The following ANTXR1 variants were observed in gnomAD, a reference collection of about 807,000 sequenced individuals.
The protein encoded by ANTXR1 is ANTXR cell adhesion molecule 1.
Under a neutral mutation model 78.1 loss-of-function variants are expected in ANTXR1, and 19 were observed. That is an observed-to-expected ratio of 0.24 (90% CI 0.17 to 0.36). The LOEUF is 0.36. ANTXR1 is among the 10% of genes least tolerant of loss of function. ANTXR1 has a pLI of 1.00. For missense variants in ANTXR1, 518 were observed against 718.6 expected, an observed-to-expected ratio of 0.72 and a Z score of 3.19; for synonymous variants, 273 against 260.5, an observed-to-expected ratio of 1.05 and a Z score of -0.46.
At chr2:69,075,058 G>GA (rs5831960) in intron 6 of ANTXR1, among the ~76,000 whole-genome samples, 112,070 of 152,098 alleles carry the variant, frequency 0.74, 42,478 homozygotes, top group African/African-American at 0.93. Context: ...CTGTAGGAAT[G>GA]AAAGGGCTTT....
chr2:69,152,394 T>C, intron 13 of ANTXR1, 130 bp downstream of exon 13: 1 of 928,160 alleles, frequency 1.1e-6, no homozygotes, highest in Non-Finnish European at 1.7e-6. Context: ...ATACAATTTA[T>C]ACAAAATTGA....
At chr2:69,237,014 G>A (rs1205360596) in intron 17 of ANTXR1, among the ~76,000 whole-genome samples, 6 of 152,120 alleles carry the variant, frequency 3.9e-5, no homozygotes, top group Admixed American at 6.5e-5. Flanking sequence ...ACAAAGAACT[G>A]TGTAATCAGA....
rs375546870 is a variant in ANTXR1, at chr2:69,230,653, C to A, written c.1435-14572C>A. ...TTTTCAACCTTGAGCTACCCACTGG[C>A]AGCGTGAGAGAAGGTGATAGGATGT... is the stretch of plus-strand genomic sequence containing the variant. On this transcript the variant is annotated intron_variant, in intron 17 of 17. Transcript: ENST00000303714. Among the ~76,000 whole-genome samples, 33 of 152,268 alleles carry A rather than the reference C, an allele frequency of 2.2e-4. No homozygotes were observed. In the East Asian group the frequency reaches 6.0e-3, roughly 28 times the overall value.
At chr2:69,167,242 T>C (rs542766129) in intron 13 of ANTXR1, among the ~76,000 whole-genome samples, 7 of 152,288 alleles carry the variant, frequency 4.6e-5, no homozygotes, top group Non-Finnish European at 1.0e-4. Context: ...CTATAAGCCA[T>C]GGGAAGCCAT....
At chr2:69,131,582 G>A (rs1433116157) in intron 12 of ANTXR1, among the ~76,000 whole-genome samples, 1 of 152,194 alleles carries the variant, frequency 6.6e-6, no homozygotes, top group Non-Finnish European at 1.5e-5. Flanking sequence ...TGTTTCTTGA[G>A]GCAAAACAGA....
At chr2:69,187,354 G>A (rs1325057549) in intron 16 of ANTXR1, among the ~76,000 whole-genome samples, 2 of 151,918 alleles carry the variant, frequency 1.3e-5, no homozygotes, top group Non-Finnish European at 2.9e-5. Flanking sequence ...TCATTAAATT[G>A]GAGCTGACCA....
intron 5 of ANTXR1, among the ~76,000 whole-genome samples, chr2:69,072,226 A>ATATATAT (rs879863584): frequency 4.5e-4 from 68 of 152,360 alleles, no homozygotes; most frequent in Middle Eastern, 3.4e-3. Context: ...TCCTATATTT[A>ATATATAT]AATGAAAAAA....
intron 17 of ANTXR1, among the ~76,000 whole-genome samples, chr2:69,234,821 A>C (rs991618283): frequency 6.6e-6 from 1 of 152,062 alleles, no homozygotes; most frequent in African/African-American, 2.4e-5. Context: ...ATGAGCTAGG[A>C]TCAATTATTT....
Position 69,217,015 on chromosome 2 carries a change from T to G in ANTXR1, c.1434+23600T>G, listed in dbSNP as rs143222770. 3.4e-3 allele frequency among the ~76,000 whole-genome samples: 519 copies of G among 152,314 alleles called. 6 individuals carry two copies. The highest frequency in any genetic ancestry group is 0.012 in the African/African-American group (504 of 41,558). On this transcript the variant is annotated intron_variant, in intron 17 of 17. Coordinates refer to ENST00000303714, the MANE Select transcript of ANTXR1 (RefSeq NM_032208.3). ...TGCTTTGAGACACTGTGTGAACTGA[T>G]CTGCTGAAATGCAGATAAACTACAT...
intron 1 of ANTXR1, among the ~76,000 whole-genome samples, chr2:69,019,412 G>T (rs1671116310): frequency 6.6e-6 from 1 of 151,984 alleles, no homozygotes; most frequent in African/African-American, 2.4e-5. Flanking sequence ...ATTTTGTTGT[G>T]AATTATTTTA....
chr2:69,079,339 G>A (rs1207334622), intron 8 of ANTXR1, among the ~76,000 whole-genome samples: 2 of 152,132 alleles, frequency 1.3e-5, no homozygotes, highest in Non-Finnish European at 2.9e-5. Flanking sequence ...ACTGGGGGCC[G>A]ATCATGGATC....
intron 17 of ANTXR1, among the ~76,000 whole-genome samples, chr2:69,218,722 A>G (rs4528792): frequency 0.047 from 7,123 of 152,266 alleles, 423 homozygotes; most frequent in African/African-American, 0.13. Flanking sequence ...AAACCATGAC[A>G]GCCAGGAACA....
At chr2:69,152,019 C>G in intron 12 of ANTXR1, 150 bp from the exon 13 acceptor site, 1 of 779,174 alleles carries the variant, frequency 1.3e-6, no homozygotes, top group Non-Finnish European at 2.2e-6. Flanking sequence ...GCCATGAGCC[C>G]CAGAATGATG....
chr2:69,182,803 G>C (rs1033301835), intron 16 of ANTXR1, 143 bp downstream of exon 16: 3 of 1,057,280 alleles, frequency 2.8e-6, no homozygotes, highest in Admixed American at 4.1e-5. Context: ...TTATGGACTT[G>C]AAAGTACTAG....
chr2:69,070,870 T>C (rs112933363), intron 4 of ANTXR1, 142 bp downstream of exon 4: 2 of 756,828 alleles, frequency 2.6e-6, no homozygotes, highest in Non-Finnish European at 4.6e-6. Flanking sequence ...TCCCATAAGC[T>C]TGTACACTGA....
chr2:69,102,720 TA>T, intron 9 of ANTXR1, 121 bp from the exon 10 acceptor site: 1 of 1,098,256 alleles, frequency 9.1e-7, no homozygotes, highest in Non-Finnish European at 1.4e-6. Flanking sequence ...GTGTTCAACC[TA>T]AATTAATTTT....
chr2:69,021,501 G>A (rs527577555), intron 1 of ANTXR1, among the ~76,000 whole-genome samples: 2 of 152,292 alleles, frequency 1.3e-5, no homozygotes, highest in East Asian at 3.9e-4. Context: ...AGCCAGGCTG[G>A]TGGAGATTCC....
intron 3 of ANTXR1, among the ~76,000 whole-genome samples, chr2:69,054,941 G>A (rs1670026264): frequency 6.6e-6 from 1 of 152,226 alleles, no homozygotes; most frequent in Admixed American, 6.5e-5. Flanking sequence ...TGTTGATTGG[G>A]AGATATTATG....
chr2:69,040,359 T>C (rs1371391778), intron 2 of ANTXR1, among the ~76,000 whole-genome samples: 1 of 152,234 alleles, frequency 6.6e-6, no homozygotes, highest in Non-Finnish European at 1.5e-5. Flanking sequence ...TTTAGCATTC[T>C]CCCTTCTCTG....
Sources: gnomAD v4.1 joint callset for allele counts (sites outside exome capture counted in the v4.1 genomes callset) on GRCh38, gnomAD v4.1.1 for gene constraint, MANE v1.5 for transcripts, NCBI Gene and HGNC (gene_info 2026-07-23, HGNC 2026-07-21) for gene names.